The following CTNNA3 variants were observed in gnomAD, a reference collection of about 807,000 sequenced individuals.
The protein encoded by CTNNA3 is catenin alpha 3.
Under a neutral mutation model 95.7 loss-of-function variants are expected in CTNNA3, and 76 were observed. That is an observed-to-expected ratio of 0.79 (90% CI 0.66 to 0.96). CTNNA3 has a LOEUF of 0.96. Ranked by LOEUF, CTNNA3 falls within the 40% of genes least tolerant of loss-of-function variation. CTNNA3 has a pLI of 0.00. For missense variants in CTNNA3, 1,191 were observed against 1,089.8 expected (o/e 1.09, Z -1.31); for synonymous variants, 431 against 374.4 (o/e 1.15, Z -1.74).
At chr10:67,322,079 G>C (rs1841346329) in intron 5 of CTNNA3, among the ~76,000 whole-genome samples, 1 of 151,030 alleles carries the variant, frequency 6.6e-6, no homozygotes, top group Admixed American at 6.6e-5. Context: ...TTTCACTTGG[G>C]TTTCAGCATG....
intron 7 of CTNNA3, among the ~76,000 whole-genome samples, chr10:67,019,887 A>T (rs1259882407): frequency 1.3e-5 from 2 of 152,152 alleles, no homozygotes; most frequent in Non-Finnish European, 2.9e-5. Context: ...CATTGCTGTA[A>T]TTCTACCATA....
chr10:67,345,870 G>T lies in CTNNA3; in HGVS notation c.580-126000C>A, dbSNP rs540613752. 3.3e-5 allele frequency among the ~76,000 whole-genome samples: 5 copies of T among 152,030 alleles called. No homozygotes were observed. In the South Asian group the frequency reaches 8.3e-4, roughly 25 times the overall value. ...AAGGACTTACTCCTGCCATTTTGTT[G>T]TTTGTTTTCTAGTTGTTTTGTGGTC... On this transcript the variant is annotated intron_variant, in intron 5 of 17. Coordinates refer to ENST00000433211, the MANE Select transcript of CTNNA3 (RefSeq NM_013266.4).
chr10:67,477,080 G>T (rs1247573882), intron 5 of CTNNA3, among the ~76,000 whole-genome samples: 1 of 152,094 alleles, frequency 6.6e-6, no homozygotes, highest in African/African-American at 2.4e-5. Flanking sequence ...CCTGTGCAGA[G>T]ACTGTGTGGT....
At chr10:66,268,477 T>C (rs1312244795) in intron 13 of CTNNA3, among the ~76,000 whole-genome samples, 3 of 152,178 alleles carry the variant, frequency 2.0e-5, no homozygotes. Flanking sequence ...AATGTCACCT[T>C]CCTCAGTCTT....
intron 7 of CTNNA3, among the ~76,000 whole-genome samples, chr10:66,953,558 GT>G (rs1848644999): frequency 6.6e-6 from 1 of 152,106 alleles, no homozygotes; most frequent in Non-Finnish European, 1.5e-5. Flanking sequence ...GCACACCATA[GT>G]TAGTTATGAC....
In CTNNA3 at chr10:66,305,600, G is replaced by C. The variant is rs528804001; in HGVS notation, c.1733-24979C>G. Among the ~76,000 whole-genome samples the C allele has an allele frequency of 2.0e-4, 30 of 152,180 alleles. No homozygotes were observed. The South Asian group carries it at 6.2e-3, about 32-fold the overall frequency. On this transcript the variant is annotated intron_variant, in intron 12 of 17. Coordinates refer to ENST00000433211, the MANE Select transcript of CTNNA3 (RefSeq NM_013266.4). ...CTGATGGTACCTTATACTTTTCTAGGTGCTTTCATGGTGAAGTCTTCCTGT... is the reference window on the plus strand; with the variant it reads ...CTGATGGTACCTTATACTTTTCTAGCTGCTTTCATGGTGAAGTCTTCCTGT...
intron 5 of CTNNA3, among the ~76,000 whole-genome samples, chr10:67,360,962 G>A (rs1400578893): frequency 6.6e-6 from 1 of 151,444 alleles, no homozygotes; most frequent in Admixed American, 6.6e-5. Flanking sequence ...AAAAAGAGCA[G>A]TGATTGATAT....
At chr10:67,062,377 T>G (rs1925588) in intron 7 of CTNNA3, among the ~76,000 whole-genome samples, 97,278 of 152,072 alleles carry the variant, frequency 0.64, 32,609 homozygotes, top group African/African-American at 0.85. Context: ...ATCTGCATAG[T>G]TTTAAAATTA....
rs2091635831 is a variant in CTNNA3 at position 66,289,014 on chromosome 10, TC to T, written c.1733-8394del. ...GTAGTTTGAGAAATTATAGATTATC[TC>T]TTTGCCATATTAATTGTGTTAATCC... On this transcript the variant is annotated intron_variant, in intron 12 of 17. Coordinates refer to ENST00000433211, the MANE Select transcript of CTNNA3 (RefSeq NM_013266.4). 1.3e-5 allele frequency among the ~76,000 whole-genome samples: 2 copies of T among 152,050 alleles called. 1 individual carries two copies. The highest frequency in any genetic ancestry group is 3.9e-4 in the East Asian group (2 of 5,172).
chr10:67,726,589 A>ATTACATATTATATAATAT (rs1564841320), intron 1 of CTNNA3, among the ~76,000 whole-genome samples: 3 of 67,024 alleles, frequency 4.5e-5, no homozygotes, highest in African/African-American at 8.0e-5. Context: ...TATAATATGT[A>ATTACATATTATATAATAT]ATATTATATT....
intron 17 of CTNNA3, among the ~76,000 whole-genome samples, chr10:65,944,388 T>C (rs1385733830): frequency 6.6e-6 from 1 of 152,250 alleles, no homozygotes; most frequent in Non-Finnish European, 1.5e-5. Flanking sequence ...AGCAGATGTA[T>C]AATGGGGCTA....
At chr10:66,956,764 T>G (rs1848811762) in intron 7 of CTNNA3, among the ~76,000 whole-genome samples, 1 of 152,192 alleles carries the variant, frequency 6.6e-6, no homozygotes, top group Admixed American at 6.6e-5. Context: ...TCAACTGAAT[T>G]TGGCAAATCA....
intron 11 of CTNNA3, among the ~76,000 whole-genome samples, chr10:66,482,558 T>C (rs1015993937): frequency 1.3e-5 from 2 of 152,144 alleles, no homozygotes; most frequent in Non-Finnish European, 1.5e-5. Context: ...ATTATAATAA[T>C]AATATTCTTA....
chr10:67,738,030 C>T (rs1055895698), intron 1 of CTNNA3, among the ~76,000 whole-genome samples: 1 of 152,180 alleles, frequency 6.6e-6, no homozygotes, highest in Non-Finnish European at 1.5e-5. Flanking sequence ...TGTTTCACAG[C>T]CTTCACTGGT....
intron 13 of CTNNA3, among the ~76,000 whole-genome samples, chr10:66,204,734 T>A (rs1201006867): frequency 6.6e-6 from 1 of 152,162 alleles, no homozygotes; most frequent in Admixed American, 6.5e-5. Context: ...ATTTATCAGT[T>A]TAAATGTCTG....
intron 5 of CTNNA3, among the ~76,000 whole-genome samples, chr10:67,286,936 T>C (rs1029805739): frequency 1.3e-5 from 2 of 152,182 alleles, no homozygotes; most frequent in East Asian, 1.9e-4. Context: ...ACCCTTACCC[T>C]AGCTGCAAAC....
intron 13 of CTNNA3, among the ~76,000 whole-genome samples, chr10:66,220,880 G>GT (rs1319645164): frequency 6.6e-6 from 1 of 152,140 alleles, no homozygotes; most frequent in Non-Finnish European, 1.5e-5. Context: ...TATAGGTACA[G>GT]GATGGGGGGT....
intron 7 of CTNNA3, among the ~76,000 whole-genome samples, chr10:67,049,583 T>C (rs1042479437): frequency 6.6e-6 from 1 of 152,178 alleles, no homozygotes; most frequent in Middle Eastern, 3.2e-3. Flanking sequence ...GGTTGCTTTG[T>C]GTTTAACTTG....
At chr10:66,841,095 T>A (rs940829080) in intron 7 of CTNNA3, among the ~76,000 whole-genome samples, 22 of 149,602 alleles carry the variant, frequency 1.5e-4, no homozygotes, top group African/African-American at 5.6e-4. Context: ...GTTAGATTGC[T>A]TTTTTTCCTT....
Sources: gnomAD v4.1 joint callset for allele counts (sites outside exome capture counted in the v4.1 genomes callset) on GRCh38, gnomAD v4.1.1 for gene constraint, MANE v1.5 for transcripts, NCBI Gene and HGNC (gene_info 2026-07-23, HGNC 2026-07-21) for gene names.